RPS6KA2: variants seen among roughly 807,000 people sequenced by gnomAD.
The protein encoded by RPS6KA2 is ribosomal protein S6 kinase alpha-2.
A neutral mutation model predicts 91.8 loss-of-function variants in RPS6KA2; 42 were observed. The observed-to-expected ratio is 0.46, with a 90% CI of 0.36 to 0.59. The LOEUF is 0.59. RPS6KA2 is among the 20% of genes least tolerant of loss of function. The pLI is 0.00. For synonymous variants in RPS6KA2, 414 were observed against 393.6 expected, an observed-to-expected ratio of 1.05 and a Z score of -0.61; for missense variants, 798 against 978.5, an observed-to-expected ratio of 0.82 and a Z score of 2.46.
chr6:166,592,987 CA>C (rs1183638611), intron 1 of RPS6KA2, among the ~76,000 whole-genome samples: 1 of 152,212 alleles, frequency 6.6e-6, no homozygotes, highest in African/African-American at 2.4e-5. Flanking sequence ...ACAGGACAAA[CA>C]GACGTGTTAG....
intron 2 of RPS6KA2, among the ~76,000 whole-genome samples, chr6:166,753,090 T>C (rs1777899111): frequency 6.6e-6 from 1 of 152,238 alleles, no homozygotes; most frequent in South Asian, 2.1e-4. Flanking sequence ...ACCCTGTTTC[T>C]GTAGGAAGTG....
chr6:166,412,439 C>T lies in RPS6KA2; in HGVS notation c.*323G>A. ...CATAATTGGAAAACAGATCTCTCGG[C>T]AGAAACAGAAGCCATGTATGAGAGG... On this transcript the variant is annotated 3_prime_UTR_variant, in exon 21 of 21. Coordinates refer to ENST00000265678, the MANE Select transcript of RPS6KA2 (RefSeq NM_021135.6). This position sits in a 1 kb window ranked among gnomAD's most constrained non-coding sequence, Gnocchi z 4.3. The T allele has an allele frequency of 5.3e-6, 1 of 187,772 alleles. No homozygotes were observed. The highest frequency in any genetic ancestry group is 1.1e-5 in the Non-Finnish European group (1 of 91,074). The allele number at this position is 187,772 out of a possible 1,614,324, so 11.6% of individuals were successfully genotyped here.
chr6:166,586,185 G>A (rs1785163997), intron 1 of RPS6KA2: 1 of 1,580,264 alleles, frequency 6.3e-7, no homozygotes, highest in Admixed American at 1.7e-5. Context: ...GGGATAGTAA[G>A]GTTCTTGTCT....
chr6:166,757,664 T>C (rs1583085638), intron 2 of RPS6KA2: 1 of 454,240 alleles, frequency 2.2e-6, no homozygotes, highest in Non-Finnish European at 4.4e-6. Context: ...TATCACCTTG[T>C]GGGCTGCTGC....
intron 2 of RPS6KA2, among the ~76,000 whole-genome samples, chr6:166,656,278 G>A (rs532415410): frequency 2.0e-5 from 3 of 152,384 alleles, no homozygotes; most frequent in Non-Finnish European, 2.9e-5. Flanking sequence ...AGATGAAAGG[G>A]AGGGAGGGGA....
intron 2 of RPS6KA2, among the ~76,000 whole-genome samples, chr6:166,811,168 T>C (rs1374465160): frequency 6.6e-6 from 1 of 152,220 alleles, no homozygotes; most frequent in Non-Finnish European, 1.5e-5. Flanking sequence ...AAATTGATCT[T>C]ATTGATCATA....
At chr6:166,848,312 AATGTATAACT>A (rs1205742623) in intron 2 of RPS6KA2, among the ~76,000 whole-genome samples, 1 of 152,232 alleles carries the variant, frequency 6.6e-6, no homozygotes, top group African/African-American at 2.4e-5. Context: ...TGTTGGTGGA[AATGTATAACT>A]AGTACAACCA....
chr6:166,761,600 T>C (rs915912495), intron 2 of RPS6KA2, among the ~76,000 whole-genome samples: 10 of 152,288 alleles, frequency 6.6e-5, no homozygotes, highest in African/African-American at 1.7e-4. Flanking sequence ...AAAGCATCTG[T>C]TTCGTGTTTC....
intron 2 of RPS6KA2, among the ~76,000 whole-genome samples, chr6:166,754,823 G>A (rs952161145): frequency 5.3e-5 from 8 of 152,202 alleles, no homozygotes; most frequent in African/African-American, 1.9e-4. Flanking sequence ...CCAATGCCAT[G>A]TTTGACCATT....
Position 166,586,128 on chromosome 6 carries a change from T to C in RPS6KA2, c.99+40793A>G, listed in dbSNP as rs1785160971. The C allele has an allele frequency of 2.7e-6, 4 of 1,479,204 alleles. No individual in the cohort carries two copies. The Admixed American group carries it at 7.6e-5, about 28-fold the overall frequency. 91.6% of individuals were successfully genotyped at this position (1,479,204 alleles called of 1,614,324 possible). On this transcript the variant is annotated intron_variant, in intron 1 of 20. Transcript: ENST00000265678. ...AAGCTGCCAACATTTCTATCAGTAG[T>C]AACCGTAAGGAGGCCGCTGGTTGTA...
chr6:166,451,327 A>C, intron 12 of RPS6KA2, 94 bp from the exon 13 acceptor site: 1 of 1,308,008 alleles, frequency 7.6e-7, no homozygotes, highest in Non-Finnish European at 1.1e-6. Flanking sequence ...ATGTGTGTGC[A>C]AGTCCGTGTG....
intron 6 of RPS6KA2, 25 bp downstream of exon 6, chr6:166,504,481 T>C: frequency 7.0e-7 from 1 of 1,432,366 alleles, no homozygotes; most frequent in Non-Finnish European, 9.8e-7. Flanking sequence ...CGTGGGGAAG[T>C]CAGCCCTAGT....
intron 2 of RPS6KA2, among the ~76,000 whole-genome samples, chr6:166,815,842 T>C (rs932689916): frequency 6.6e-6 from 1 of 152,222 alleles, no homozygotes; most frequent in African/African-American, 2.4e-5. Context: ...TTTTTGCCGT[T>C]GCCTACTTTT....
chr6:166,615,811 C>A (rs760632356), intron 1 of RPS6KA2, among the ~76,000 whole-genome samples: 1 of 152,154 alleles, frequency 6.6e-6, no homozygotes, highest in Non-Finnish European at 1.5e-5. Context: ...CCTGTGCTGC[C>A]TGTGGGGTCT....
intron 1 of RPS6KA2, among the ~76,000 whole-genome samples, chr6:166,601,158 C>G (rs1785716479): frequency 6.6e-6 from 1 of 152,210 alleles, no homozygotes; most frequent in Non-Finnish European, 1.5e-5. Context: ...AGCCACATGA[C>G]ATTAGATAGA....
chr6:166,496,949 A>G lies in RPS6KA2; in HGVS notation c.747+1559T>C, dbSNP rs551147211. On this transcript the variant is annotated intron_variant, in intron 8 of 20. Transcript: ENST00000265678. ...CTGCACCAGCGTGGGAGGTCTCCAC[A>G]GGGCTATCCCCGCTGCCCTCACCCA... Among the ~76,000 whole-genome samples, 6 of 152,312 alleles carry G rather than the reference A, an allele frequency of 3.9e-5. No homozygotes were observed. In the South Asian group the frequency reaches 1.2e-3, roughly 32 times the overall value.
chr6:166,643,496 A>G (rs1039851623), intron 2 of RPS6KA2, among the ~76,000 whole-genome samples: 1 of 152,262 alleles, frequency 6.6e-6, no homozygotes, highest in Non-Finnish European at 1.5e-5. Flanking sequence ...GAACGTTTCA[A>G]TTCACCAGGA....
At position 166,810,861 on chromosome 6, in the gene RPS6KA2, G is replaced by A. The variant is rs1779621426; in HGVS notation, c.123+47339C>T. Among the ~76,000 whole-genome samples, 2 of 152,148 alleles carry A rather than the reference G, an allele frequency of 1.3e-5. 1 individual carries two copies. Among genetic ancestry groups the A allele is most frequent in the Non-Finnish European group, 2.9e-5 (2 of 68,030 alleles). On this transcript the variant is annotated intron_variant, in intron 2 of 21. Transcript: ENST00000503859. Reference sequence around the variant, plus strand: ...CCTCAAAACATAACAAGGACCAAATGCAGTGTACCAACACAGAGCACCAAG... The same window carrying A: ...CCTCAAAACATAACAAGGACCAAATACAGTGTACCAACACAGAGCACCAAG...
intron 3 of RPS6KA2, among the ~76,000 whole-genome samples, chr6:166,527,005 A>G (rs904162819): frequency 6.6e-6 from 1 of 152,244 alleles, no homozygotes; most frequent in African/African-American, 2.4e-5. Flanking sequence ...CCGTTTCTCA[A>G]GGACACTGTG....
Sources: allele counts gnomAD v4.1 joint callset (sites outside exome capture counted in the v4.1 genomes callset), GRCh38; gene constraint gnomAD v4.1.1; non-coding constraint Gnocchi (gnomAD v3.1); transcripts MANE v1.5; gene names NCBI Gene and HGNC (gene_info 2026-07-23, HGNC 2026-07-21).